The following CYTH3 variants were observed in gnomAD, a reference collection of about 807,000 sequenced individuals.
The protein encoded by CYTH3 is cytohesin 3, also known as cytohesin-3.
A neutral mutation model predicts 55.1 loss-of-function variants in CYTH3; 23 were observed. The observed-to-expected ratio is 0.42, with a 90% CI of 0.30 to 0.59. The LOEUF is 0.59. Among genes scored for constraint, CYTH3 ranks in the 20% least tolerant of loss-of-function variants. The pLI is 0.20. For missense variants in CYTH3, 413 were observed against 524.8 expected, an observed-to-expected ratio of 0.79 and a Z score of 2.08; for synonymous variants, 249 against 194.9, an observed-to-expected ratio of 1.28 and a Z score of -2.31.
At chr7:6,187,543 C>T in intron 3 of CYTH3, 114 bp downstream of exon 3, 1 of 939,296 alleles carries the variant, frequency 1.1e-6, no homozygotes, top group Non-Finnish European at 1.8e-6. Context: ...ATTAACAACT[C>T]CACAGGCTCC....
intron 1 of CYTH3, among the ~76,000 whole-genome samples, chr7:6,207,565 G>C (rs2062382675): frequency 6.6e-6 from 1 of 152,208 alleles, no homozygotes; most frequent in South Asian, 2.1e-4. Flanking sequence ...AGGAGTTTGA[G>C]ACCAGCCTGG....
chr7:6,165,671 C>T, intron 10 of CYTH3, 55 bp from the exon 11 acceptor site: 1 of 1,613,116 alleles, frequency 6.2e-7, no homozygotes, highest in Non-Finnish European at 8.5e-7. Flanking sequence ...CCTGAGGGTC[C>T]CTCGGCCCCA....
chr7:6,242,250 G>T (rs1398065857), intron 1 of CYTH3, among the ~76,000 whole-genome samples: 1 of 151,076 alleles, frequency 6.6e-6, no homozygotes, highest in East Asian at 1.9e-4. Context: ...CTAATTTTTT[G>T]TATTTTTAGT....
chr7:6,193,153 C>G (rs551215824), intron 1 of CYTH3, among the ~76,000 whole-genome samples: 74 of 152,188 alleles, frequency 4.9e-4, no homozygotes, highest in African/African-American at 1.8e-3. Context: ...GCCTGGGTGA[C>G]AGAGCGAGAG....
chr7:6,185,519 AC>A (rs1280127321), intron 4 of CYTH3, among the ~76,000 whole-genome samples: 1 of 151,838 alleles, frequency 6.6e-6, no homozygotes, highest in African/African-American at 2.4e-5. Context: ...ACACAGTGAA[AC>A]CCCGTCTCTA....
intron 1 of CYTH3, among the ~76,000 whole-genome samples, chr7:6,246,296 C>G (rs535128708): frequency 6.6e-6 from 1 of 151,668 alleles, no homozygotes; most frequent in Non-Finnish European, 1.5e-5. Flanking sequence ...TGGCGAACTC[C>G]TGCCTCAAGT....
rs578072614 is a variant in CYTH3, at chr7:6,180,571, C to T, written c.250-2630G>A. Among the ~76,000 whole-genome samples, 160 of 152,338 alleles carry T rather than the reference C, an allele frequency of 1.1e-3. 1 individual carries two copies. Among genetic ancestry groups the T allele is most frequent in the Admixed American group, 4.6e-3 (70 of 15,308 alleles). On this transcript the variant is annotated intron_variant, in intron 4 of 12. Transcript: ENST00000350796. The stretch of plus-strand genomic sequence containing the variant: ...AGCAATCCTGCCCACACCCCGATCT[C>T]GGACTTCTGGCCTCCTGAACTGAGC...
At chr7:6,259,950 C>A (rs1013881739) in intron 1 of CYTH3, among the ~76,000 whole-genome samples, 1 of 145,566 alleles carries the variant, frequency 6.9e-6, no homozygotes, top group African/African-American at 2.6e-5. Context: ...CCTGCCTCAG[C>A]CTCCTAAGTA....
chr7:6,200,618 T>C (rs1232797472), intron 1 of CYTH3, among the ~76,000 whole-genome samples: 4 of 152,232 alleles, frequency 2.6e-5, no homozygotes, highest in Non-Finnish European at 5.9e-5. Context: ...TGGCCGATTC[T>C]GCAGGAAACA....
chr7:6,187,660 T>C lies in CYTH3; in HGVS notation c.179A>G (p.Glu60Gly), dbSNP rs751671861. The part of the protein sequence containing the change: ...TEIDNLTSVE[E>G]SKTTQRNKQI... The stretch of plus-strand genomic sequence containing the variant: ...AGGTGTAGCCACAAATTGTTACCTC[T>C]CCTCTACGGAAGTTAGATTGTCGAT... The change falls in exon 3 of 13, where the codon GAG becomes GGG. Residue 60 changes from glutamate to glycine, a missense_variant. Glu to Gly is a moderately conservative substitution (Grantham distance 98, BLOSUM62 -2). Around this residue, in one of 4 missense-constraint regions of CYTH3, gnomAD observed 152 missense variants for 148.1 expected, o/e 1.03. Coordinates refer to ENST00000350796, the MANE Select transcript of CYTH3 (RefSeq NM_004227.4). The C allele has an allele frequency of 4.3e-6, 7 of 1,612,862 alleles. No individual in the cohort carries two copies. The highest frequency in any genetic ancestry group is 3.3e-4 in the Middle Eastern group (2 of 6,060).
At chr7:6,236,106 G>A (rs190898723) in intron 1 of CYTH3, among the ~76,000 whole-genome samples, 18 of 152,298 alleles carry the variant, frequency 1.2e-4, no homozygotes, top group African/African-American at 2.9e-4. Flanking sequence ...ACATCCGAAA[G>A]GATGAAGACA....
chr7:6,206,556 T>C (rs1291191436), intron 1 of CYTH3, among the ~76,000 whole-genome samples: 1 of 152,244 alleles, frequency 6.6e-6, no homozygotes, highest in Admixed American at 6.5e-5. Context: ...TGTGTGTACA[T>C]GACTACATGG....
intron 1 of CYTH3, 64 bp downstream of exon 1, chr7:6,272,410 G>GGGGGGGGGGGCCC: frequency 5.8e-6 from 7 of 1,216,612 alleles, no homozygotes; most frequent in Non-Finnish European, 7.4e-6. Context: ...CCGCGCCCTC[G>GGGGGGGGGGGCCC]ACCCCCAGCC....
At chr7:6,173,012 G>C (rs1236391752) in intron 6 of CYTH3, 1 of 1,081,380 alleles carries the variant, frequency 9.2e-7, no homozygotes, top group African/African-American at 1.7e-5. Context: ...CTTAGTCCAA[G>C]GGCCGGCTGA....
intron 1 of CYTH3, among the ~76,000 whole-genome samples, chr7:6,226,342 T>C (rs917124833): frequency 1.3e-5 from 2 of 152,234 alleles, no homozygotes; most frequent in African/African-American, 4.8e-5. Flanking sequence ...CTTCTGCAGA[T>C]TGGATACAGC....
At chr7:6,221,442 G>A (rs567247141) in intron 1 of CYTH3, among the ~76,000 whole-genome samples, 1 of 152,340 alleles carries the variant, frequency 6.6e-6, no homozygotes, top group East Asian at 1.9e-4. Context: ...AACTGGGGTA[G>A]TAGGAGGGAG....
chr7:6,198,835 C>G (rs2128546296), intron 1 of CYTH3, among the ~76,000 whole-genome samples: 1 of 151,456 alleles, frequency 6.6e-6, no homozygotes, highest in Non-Finnish European at 1.5e-5. Flanking sequence ...ATCTCTAAAG[C>G]TGGTTGAATG....
At chr7:6,221,487 T>C (rs1053153712) in intron 1 of CYTH3, among the ~76,000 whole-genome samples, 1 of 152,204 alleles carries the variant, frequency 6.6e-6, no homozygotes, top group Non-Finnish European at 1.5e-5. Flanking sequence ...CAGTTCTGTA[T>C]CTTGATTGCA....
chr7:6,178,695 T>A (rs1783406768), intron 4 of CYTH3, among the ~76,000 whole-genome samples: 1 of 152,158 alleles, frequency 6.6e-6, no homozygotes, highest in Non-Finnish European at 1.5e-5. Flanking sequence ...GTAAGATACA[T>A]TTTGTTGGAT....
Sources: allele counts gnomAD v4.1 joint callset (sites outside exome capture counted in the v4.1 genomes callset), GRCh38; gene constraint gnomAD v4.1.1; regional missense constraint gnomAD v4.1.1; transcripts MANE v1.5; gene names NCBI Gene and HGNC (gene_info 2026-07-23, HGNC 2026-07-21).